Variants in AOAH observed in about 807,000 individuals in gnomAD.
AOAH encodes acyloxyacyl hydrolase (neutrophil).
A neutral mutation model predicts 92.2 loss-of-function variants in AOAH; 64 were observed. That is an observed-to-expected ratio of 0.69 (90% CI 0.57 to 0.86). The LOEUF (loss-of-function observed/expected upper bound fraction) is 0.86, where lower values mean the gene tolerates loss of function less well. Ranked by LOEUF, AOAH falls within the 40% of genes least tolerant of loss-of-function variation. The probability of loss-of-function intolerance (pLI) is 0.00; values close to 1 mark genes in which losing one functional copy is unlikely to be tolerated. For synonymous variants in AOAH, 263 were observed against 254.5 expected, an observed-to-expected ratio of 1.03 and a Z score of -0.32; for missense variants, 656 against 694.6, an observed-to-expected ratio of 0.94 and a Z score of 0.62.
chr7:36,596,165 C>CCCA (rs1790095833), intron 11 of AOAH, among the ~76,000 whole-genome samples: 2 of 129,202 alleles, frequency 1.5e-5, no homozygotes, highest in Non-Finnish European at 3.2e-5. Context: ...AAATGAAAGC[C>CCCA]CCCCCACCCC....
Position 36,645,819 on chromosome 7 carries a change from C to T in AOAH, c.391-7909G>A, listed in dbSNP as rs547655774. Among the ~76,000 whole-genome samples the T allele has an allele frequency of 9.9e-5, 15 of 152,060 alleles. 1 individual carries two copies. Among genetic ancestry groups the T allele is most frequent in the African/African-American group, 3.6e-4 (15 of 41,482 alleles). On this transcript the variant is annotated intron_variant, in intron 4 of 20. Transcript: ENST00000617537. ...AAGGGTAAAAGTAAAAGAAAAAAGCCATTACTTTTAAATGCATCCCCTTTT... is the reference window on the plus strand; with the variant it reads ...AAGGGTAAAAGTAAAAGAAAAAAGCTATTACTTTTAAATGCATCCCCTTTT...
rs1562658118 is a variant in AOAH, at chr7:36,650,125, CGTCTTGG to C, written c.390+9034_390+9040del. Among the ~76,000 whole-genome samples the C allele has an allele frequency of 0.018, 113 of 6,388 alleles. No individual in the cohort carries two copies. The African/African-American group carries it at 0.19, about 11-fold the overall frequency. The allele number at this position is 6,388 out of a possible 152,430, so 4.2% of individuals were successfully genotyped here. A position where few individuals can be genotyped will look rare whatever the true frequency, so the allele number is the denominator to read the frequency against. On this transcript the variant is annotated intron_variant, in intron 4 of 20. Coordinates refer to ENST00000617537, the MANE Select transcript of AOAH (RefSeq NM_001637.4). ...TGCCATCTTGGAAGCGGCCCACCAC[CGTCTTGG>C]AAGCGGCCCACCACCGTCTTGGAAG...
chr7:36,672,160 C>T lies in AOAH; in HGVS notation c.290+1783G>A, dbSNP rs548885369. On this transcript the variant is annotated intron_variant, in intron 3 of 20. Transcript: ENST00000617537. ...TGAAAAATTGTTTGCCACAACAGAGCGAGATCGCTATTAAGAGAGGCAGAT... is the reference window on the plus strand; with the variant it reads ...TGAAAAATTGTTTGCCACAACAGAGTGAGATCGCTATTAAGAGAGGCAGAT... 3.3e-5 allele frequency among the ~76,000 whole-genome samples: 5 copies of T among 152,216 alleles called. No individual in the cohort carries two copies. In the East Asian group the frequency reaches 9.6e-4, roughly 29 times the overall value.
At position 36,675,913 on chromosome 7, in the gene AOAH, T is replaced by C. The variant is rs59128906; in HGVS notation, c.224-1904A>G. Among the ~76,000 whole-genome samples the C allele has an allele frequency of 8.7e-3, 1,325 of 152,290 alleles. 17 individuals carry two copies. Among genetic ancestry groups the C allele is most frequent in the African/African-American group, 0.03 (1,261 of 41,570 alleles). On this transcript the variant is annotated intron_variant, in intron 2 of 20. Transcript: ENST00000617537. ...ATGATTATCCAATATAGGCAGAAGA[T>C]ATTTGACAAAATATAACACTGCTTC...
chr7:36,643,979 A>C (rs1478074130), intron 4 of AOAH, among the ~76,000 whole-genome samples: 1 of 152,196 alleles, frequency 6.6e-6, no homozygotes, highest in Non-Finnish European at 1.5e-5. Flanking sequence ...TTCTCTATAA[A>C]TTACCTATTT....
chr7:36,703,567 C>G (rs1455867278), intron 1 of AOAH, among the ~76,000 whole-genome samples: 1 of 152,084 alleles, frequency 6.6e-6, no homozygotes, highest in Non-Finnish European at 1.5e-5. Flanking sequence ...CCTACAGGCC[C>G]TGGTGTGTGA....
intron 1 of AOAH, among the ~76,000 whole-genome samples, chr7:36,708,921 T>A (rs1798593627): frequency 6.6e-6 from 1 of 152,152 alleles, no homozygotes; most frequent in African/African-American, 2.4e-5. Context: ...AGAGTCACCA[T>A]CTGTTGATCG....
intron 15 of AOAH, among the ~76,000 whole-genome samples, chr7:36,547,453 G>A (rs1785884828): frequency 1.3e-5 from 2 of 152,190 alleles, no homozygotes; most frequent in South Asian, 4.2e-4. Flanking sequence ...GCACAGGCTT[G>A]GAAAGCATGG....
chr7:36,553,556 C>A (rs932553648), intron 13 of AOAH, among the ~76,000 whole-genome samples: 1 of 151,974 alleles, frequency 6.6e-6, no homozygotes, highest in Non-Finnish European at 1.5e-5. Flanking sequence ...CCTGAGGAAT[C>A]GCCACGCTGA....
At chr7:36,599,172 ATGTG>A (rs1449563063) in intron 11 of AOAH, among the ~76,000 whole-genome samples, 1 of 152,072 alleles carries the variant, frequency 6.6e-6, no homozygotes, top group Non-Finnish European at 1.5e-5. Flanking sequence ...GTGTGTGGGT[ATGTG>A]TGTGTGTATT....
intron 20 of AOAH, chr7:36,514,625 T>C (rs1424672703): frequency 2.1e-6 from 3 of 1,446,274 alleles, no homozygotes; most frequent in Non-Finnish European, 2.8e-6. Context: ...AAATGGGACC[T>C]GGCCAGGCCT....
intron 2 of AOAH, among the ~76,000 whole-genome samples, chr7:36,679,311 A>T (rs539863638): frequency 6.6e-6 from 1 of 150,436 alleles, no homozygotes; most frequent in Non-Finnish European, 1.5e-5. Context: ...AAATAAAAAT[A>T]AAAAAAAGTA....
At chr7:36,537,506 G>GTTTTTTTT (rs67918250) in intron 16 of AOAH, among the ~76,000 whole-genome samples, 104 of 134,740 alleles carry the variant, frequency 7.7e-4, no homozygotes, top group Non-Finnish European at 1.2e-3. Context: ...CACCCCTCTT[G>GTTTTTTTT]TTTTTTTTTT....
intron 13 of AOAH, among the ~76,000 whole-genome samples, chr7:36,551,109 T>C (rs1056824100): frequency 2.7e-5 from 4 of 149,664 alleles, no homozygotes; most frequent in Admixed American, 6.7e-5. Flanking sequence ...AGTCTTGCTC[T>C]GTTGCCCAGG....
chr7:36,698,415 T>C (rs1029130135), intron 1 of AOAH, among the ~76,000 whole-genome samples: 1 of 152,154 alleles, frequency 6.6e-6, no homozygotes, highest in Non-Finnish European at 1.5e-5. Flanking sequence ...ATTGCATTCC[T>C]GTTTTTTATT....
At chr7:36,695,526 A>G (rs911802438) in intron 1 of AOAH, among the ~76,000 whole-genome samples, 1 of 152,182 alleles carries the variant, frequency 6.6e-6, no homozygotes, top group Non-Finnish European at 1.5e-5. Flanking sequence ...TAGAAATCTG[A>G]GGCCCAGAAA....
intron 15 of AOAH, among the ~76,000 whole-genome samples, chr7:36,542,910 A>G (rs973648074): frequency 6.6e-6 from 1 of 152,232 alleles, no homozygotes; most frequent in African/African-American, 2.4e-5. Context: ...GAATAAAAAA[A>G]AAGAAGTAAT....
chr7:36,561,725 GA>G (rs1180481123), intron 13 of AOAH, among the ~76,000 whole-genome samples: 2 of 152,116 alleles, frequency 1.3e-5, no homozygotes, highest in African/African-American at 4.8e-5. Context: ...CATAAGTGGG[GA>G]AAAAATAATT....
At chr7:36,632,461 C>CCAT (rs1481631541) in intron 5 of AOAH, among the ~76,000 whole-genome samples, 2 of 152,182 alleles carry the variant, frequency 1.3e-5, no homozygotes, top group East Asian at 3.8e-4. Flanking sequence ...CAAAATAATT[C>CCAT]CATCTCATTA....
Sources: allele counts gnomAD v4.1 joint callset (sites outside exome capture counted in the v4.1 genomes callset), GRCh38; gene constraint gnomAD v4.1.1; transcripts MANE v1.5; gene names NCBI Gene and HGNC (gene_info 2026-07-23, HGNC 2026-07-21).